Variants in ARMC10 observed in about 807,000 individuals in gnomAD.
The protein encoded by ARMC10 is armadillo repeat-containing protein 10.
In ARMC10, 23 loss-of-function variants were observed where a neutral mutation model predicts 30.2. The observed-to-expected ratio is 0.76, with a 90% CI of 0.55 to 1.08. The LOEUF (loss-of-function observed/expected upper bound fraction) is 1.08. Ranked by LOEUF, ARMC10 falls within the 50% of genes least tolerant of loss-of-function variation. The pLI is 0.00. For missense variants in ARMC10, 303 were observed against 413.7 expected, an observed-to-expected ratio of 0.73 and a Z score of 2.32; for synonymous variants, 111 against 164.4, an observed-to-expected ratio of 0.68 and a Z score of 2.48.
chr7:103,084,673 A>G (rs1800674906), intron 3 of ARMC10, among the ~76,000 whole-genome samples: 1 of 152,188 alleles, frequency 6.6e-6, no homozygotes, highest in Non-Finnish European at 1.5e-5. Flanking sequence ...GAGTTCCCAG[A>G]GTTCTCTCTT....
chr7:103,090,492 CTTTATT>C (rs1801216043), intron 4 of ARMC10, among the ~76,000 whole-genome samples: 2 of 152,022 alleles, frequency 1.3e-5, no homozygotes, highest in Non-Finnish European at 2.9e-5. Context: ...GACCCCATTT[CTTTATT>C]TTTGTTTGTT....
At chr7:103,085,937 T>G (rs574617733) in intron 3 of ARMC10, among the ~76,000 whole-genome samples, 3 of 152,268 alleles carry the variant, frequency 2.0e-5, no homozygotes, top group African/African-American at 4.8e-5. Flanking sequence ...TTTCAAACTG[T>G]GTGGAACCTG....
intron 4 of ARMC10, among the ~76,000 whole-genome samples, chr7:103,087,396 T>C (rs1800951853): frequency 6.6e-6 from 1 of 152,196 alleles, no homozygotes; most frequent in East Asian, 1.9e-4. Flanking sequence ...TTACTGACAT[T>C]GCTTTAATGC....
intron 6 of ARMC10, 118 bp downstream of exon 6, chr7:103,097,466 T>A: frequency 1.6e-6 from 1 of 641,194 alleles, no homozygotes; most frequent in Non-Finnish European, 2.4e-6. Flanking sequence ...GGAGCAGTAT[T>A]AAAGGTGGTT....
intron 3 of ARMC10, 89 bp downstream of exon 3, chr7:103,083,919 A>G: frequency 3.9e-6 from 6 of 1,527,336 alleles, no homozygotes; most frequent in Non-Finnish European, 5.4e-6. Flanking sequence ...AACCTCTCAG[A>G]CCCTCAATTT....
chr7:103,088,864 C>G (rs2129523207), intron 4 of ARMC10: 1 of 155,654 alleles, frequency 6.4e-6, no homozygotes, highest in South Asian at 2.0e-4. Context: ...TTTTACTAGA[C>G]TCTTTTGCCA....
chr7:103,082,622 G>T (rs1305013183), intron 2 of ARMC10, among the ~76,000 whole-genome samples: 2 of 151,980 alleles, frequency 1.3e-5, no homozygotes, highest in Admixed American at 6.6e-5. Context: ...GAGCTGCTAT[G>T]CCCAGCCTAA....
Position 103,082,379 on chromosome 7 carries a change from G to C in ARMC10, c.245-1303G>C, listed in dbSNP as rs548999816. On this transcript the variant is annotated intron_variant, in intron 2 of 6. Transcript: ENST00000323716. ...TTGAGCAATATACTTAGTTATTTTA[G>C]TTACAGAAATAATACCTGTTTATTG... Among the ~76,000 whole-genome samples the C allele has an allele frequency of 2.9e-4, 42 of 142,822 alleles. 3 individuals are homozygous for C. The South Asian group carries it at 9.5e-3, about 32-fold the overall frequency. 93.7% of individuals were successfully genotyped at this position (142,822 alleles called of 152,430 possible).
chr7:103,075,201 T>A lies in ARMC10; in HGVS notation c.-72T>A. ...CTGTGGCGGCTAGGCCCGCGTGCGC[T>A]GGAGACCTCCGCGCTGGCCCCCGCG... is the stretch of plus-strand genomic sequence containing the variant. On this transcript the variant is annotated 5_prime_UTR_variant, in exon 1 of 7. Transcript: ENST00000323716. 10 of 1,084,362 alleles carry A rather than the reference T, an allele frequency of 9.2e-6. No homozygotes were observed. The highest frequency in any genetic ancestry group is 1.7e-5 in the African/African-American group (1 of 59,998). The allele number at this position is 1,084,362 out of a possible 1,614,324, so 67.2% of individuals were successfully genotyped here.
intron 3 of ARMC10, among the ~76,000 whole-genome samples, chr7:103,086,126 A>T (rs1342643753): frequency 6.6e-6 from 1 of 152,206 alleles, no homozygotes; most frequent in Non-Finnish European, 1.5e-5. Flanking sequence ...CTAAACTTAG[A>T]TAACCATGGG....
chr7:103,097,317 C>T lies in ARMC10; in HGVS notation c.746C>T (p.Pro249Leu). 6.2e-7 allele frequency: 1 copy of T among 1,613,608 alleles called. No individual in the cohort carries two copies. Among genetic ancestry groups the T allele is most frequent in the Non-Finnish European group, 8.5e-7 (1 of 1,179,756 alleles). ...LKLLLNLSEN[P>L]AMTEGLLRAQ... ...CTGCTTTTGAATTTGTCTGAAAATC[C>T]AGCCATGACAGAAGGACTTCTCCGT... Residue 249 changes from proline (P) to leucine (L), a missense_variant, in exon 6 of 7, where the codon CCA becomes CTA. Pro to Leu is a moderately conservative substitution (Grantham distance 98). Coordinates refer to ENST00000323716, the MANE Select transcript of ARMC10 (RefSeq NM_031905.5).
intron 4 of ARMC10, among the ~76,000 whole-genome samples, chr7:103,088,230 T>A (rs976146117): frequency 6.6e-6 from 1 of 152,180 alleles, no homozygotes; most frequent in African/African-American, 2.4e-5. Flanking sequence ...GGAATAGGGG[T>A]CTTTTTTTAG....
At chr7:103,082,381 T>TA (rs1461551897) in intron 2 of ARMC10, among the ~76,000 whole-genome samples, 1 of 143,984 alleles carries the variant, frequency 6.9e-6, no homozygotes, top group East Asian at 2.0e-4. Flanking sequence ...TTATTTTAGT[T>TA]ACAGAAATAA....
intron 6 of ARMC10, 56 bp from the exon 7 acceptor site, chr7:103,098,242 TG>T: frequency 8.1e-7 from 1 of 1,237,584 alleles, no homozygotes; most frequent in Non-Finnish European, 1.0e-6. Context: ...AAAATATACA[TG>T]AAAAAGTTTT....
rs1456716696 is a variant in ARMC10 at position 103,075,388 on chromosome 7, G to T, written c.116G>T (p.Gly39Val). ...RGRRRGDREL[G>V]IRSSKSAGAL... ...CGGCGGCGGGGCGACCGCGAGCTCG[G>T]GATACGCTCTTCGAAGTCCGCAGGT... Residue 39 changes from glycine (G) to valine (V), a missense_variant, in exon 1 of 7, where the codon GGG becomes GTG. By Grantham distance (109) the Gly-to-Val change is moderately radical (BLOSUM62 -3). Around this residue, in one of 4 missense-constraint regions of ARMC10, gnomAD observed 96 missense variants for 84.2 expected, o/e 1.14. Coordinates refer to ENST00000323716, the MANE Select transcript of ARMC10 (RefSeq NM_031905.5). 4 of 1,289,392 alleles carry T rather than the reference G, an allele frequency of 3.1e-6. No homozygotes were observed. Among genetic ancestry groups the T allele is most frequent in the Non-Finnish European group, 3.9e-6 (4 of 1,015,894 alleles). 79.9% of individuals were successfully genotyped at this position (1,289,392 alleles called of 1,614,324 possible).
At chr7:103,080,399 C>T (rs1800274143) in intron 2 of ARMC10, among the ~76,000 whole-genome samples, 1 of 151,880 alleles carries the variant, frequency 6.6e-6, no homozygotes, top group African/African-American at 2.4e-5. Context: ...GGACTACAGG[C>T]ATGTGCCACC....
rs1377321158 is a variant in ARMC10 at position 103,097,253 on chromosome 7, T to C, written c.706-24T>C. 3 of 1,597,424 alleles carry C rather than the reference T, an allele frequency of 1.9e-6. No homozygotes were observed. The South Asian group carries it at 3.3e-5, about 18-fold the overall frequency. Reference sequence around the variant, plus strand: ...AAAATTCATGCTTGCCAGTCTGAGATAAGCCAGTATCATCTTCTTTCAGGT... The same window carrying C: ...AAAATTCATGCTTGCCAGTCTGAGACAAGCCAGTATCATCTTCTTTCAGGT... On this transcript the variant is annotated intron_variant, in intron 5 of 6. Transcript: ENST00000323716.
chr7:103,075,712 G>A, intron 1 of ARMC10, 65 bp from the exon 2 acceptor site: 1 of 1,251,014 alleles, frequency 8.0e-7, no homozygotes, highest in Non-Finnish European at 1.1e-6. Flanking sequence ...GTAACTAAAG[G>A]GATTCTCCCG....
chr7:103,081,780 G>A, intron 2 of ARMC10: 1 of 400,738 alleles, frequency 2.5e-6, no homozygotes, highest in South Asian at 1.8e-5. Flanking sequence ...CCATGCATGT[G>A]CACGTGTATG....
Sources: gnomAD v4.1 joint callset for allele counts (sites outside exome capture counted in the v4.1 genomes callset) on GRCh38, gnomAD v4.1.1 for gene constraint, gnomAD v4.1.1 regional missense constraint, MANE v1.5 for transcripts, NCBI Gene and HGNC (gene_info 2026-07-23, HGNC 2026-07-21) for gene names.